Variants in GRAMD1B observed in about 807,000 individuals in gnomAD.
GRAMD1B encodes the protein GRAM domain containing 1B, also known as protein Aster-B.
Under a neutral mutation model 99.7 loss-of-function variants are expected in GRAMD1B, and 37 were observed. That is an observed-to-expected ratio of 0.37 (90% CI 0.29 to 0.49). The LOEUF is 0.49. GRAMD1B is among the 20% of genes least tolerant of loss of function. The pLI is 0.98. For missense variants in GRAMD1B, 888 were observed against 1,009.2 expected (o/e 0.88, Z 1.63); for synonymous variants, 427 against 387.6 (o/e 1.10, Z -1.19).
At chr11:123,438,887 C>G (rs564368425) in intron 1 of GRAMD1B, among the ~76,000 whole-genome samples, 197 of 152,292 alleles carry the variant, frequency 1.3e-3, no homozygotes, top group Non-Finnish European at 2.2e-3. Flanking sequence ...TTCTTCCTGA[C>G]CCCAGTGGGC....
intron 1 of GRAMD1B, among the ~76,000 whole-genome samples, chr11:123,409,489 ACTT>A (rs1200865202): frequency 6.6e-6 from 1 of 152,208 alleles, no homozygotes. Flanking sequence ...TAGCTGGGAC[ACTT>A]CTGGTGTCTG....
chr11:123,397,835 A>C (rs1055696072), intron 1 of GRAMD1B, among the ~76,000 whole-genome samples: 1 of 152,178 alleles, frequency 6.6e-6, no homozygotes, highest in African/African-American at 2.4e-5. Context: ...AGTACATAGA[A>C]TATGTACTTT....
intron 1 of GRAMD1B, among the ~76,000 whole-genome samples, chr11:123,413,332 G>A (rs1284728830): frequency 6.6e-6 from 1 of 152,144 alleles, no homozygotes; most frequent in African/African-American, 2.4e-5. Flanking sequence ...TTCTGTCCAT[G>A]GGAGAGATTA....
intron 8 of GRAMD1B, 144 bp from the exon 9 acceptor site, chr11:123,603,282 T>C (rs1231600755): frequency 2.7e-5 from 17 of 623,212 alleles, no homozygotes; most frequent in Non-Finnish European, 4.4e-5. Context: ...CCAAGGCAGA[T>C]GGGGGTGGTG....
intron 2 of GRAMD1B, among the ~76,000 whole-genome samples, chr11:123,572,581 G>C (rs1948226708): frequency 6.6e-6 from 1 of 152,310 alleles, no homozygotes; most frequent in East Asian, 1.9e-4. Context: ...TTGTAGAGAA[G>C]GATCAGAGTG....
chr11:123,541,076 G>A (rs2135703482), intron 2 of GRAMD1B, among the ~76,000 whole-genome samples: 1 of 152,084 alleles, frequency 6.6e-6, no homozygotes, highest in African/African-American at 2.4e-5. Context: ...CGGGTTCAAG[G>A]AGTTCTCCTG....
chr11:123,468,977 C>G (rs946505278), intron 1 of GRAMD1B, among the ~76,000 whole-genome samples: 2 of 151,898 alleles, frequency 1.3e-5, no homozygotes, highest in East Asian at 1.9e-4. Context: ...AACATAGATG[C>G]TATTGTCACC....
At chr11:123,369,678 C>G (rs149167346) in intron 1 of GRAMD1B, among the ~76,000 whole-genome samples, 4,130 of 152,206 alleles carry the variant, frequency 0.027, 67 homozygotes, top group Non-Finnish European at 0.041. Context: ...TCGTGACCAG[C>G]CTGGGCAACA....
intron 3 of GRAMD1B, among the ~76,000 whole-genome samples, chr11:123,583,930 G>C (rs1949755063): frequency 6.6e-6 from 1 of 152,132 alleles, no homozygotes; most frequent in African/African-American, 2.4e-5. Context: ...AGAGCAGAAG[G>C]CTGGGTTGGC....
At chr11:123,441,530 C>T (rs1269110815) in intron 1 of GRAMD1B, among the ~76,000 whole-genome samples, 1 of 151,970 alleles carries the variant, frequency 6.6e-6, no homozygotes, top group Non-Finnish European at 1.5e-5. Flanking sequence ...ACCTGTAATC[C>T]CAGAATTTTG....
At chr11:123,608,476 A>G in intron 11 of GRAMD1B, 183 bp from the exon 12 acceptor site, 1 of 1,521,432 alleles carries the variant, frequency 6.6e-7, no homozygotes, top group East Asian at 2.5e-5. Context: ...AGCAAAAGAA[A>G]GAGACCGAAA....
chr11:123,468,151 C>T (rs558452323), intron 1 of GRAMD1B, among the ~76,000 whole-genome samples: 10 of 152,216 alleles, frequency 6.6e-5, no homozygotes, highest in South Asian at 2.1e-4. Context: ...TGTGAGTCAC[C>T]GCACCCAGCC....
intron 1 of GRAMD1B, among the ~76,000 whole-genome samples, chr11:123,363,322 A>G (rs1946207452): frequency 6.6e-6 from 1 of 152,208 alleles, no homozygotes; most frequent in South Asian, 2.1e-4. Context: ...CACCCACACA[A>G]CCAGTGCTGG....
chr11:123,610,403 C>T lies in GRAMD1B; in HGVS notation c.1919+65C>T. The T allele has an allele frequency of 6.6e-7, 1 of 1,513,922 alleles. No individual in the cohort carries two copies. The highest frequency in any genetic ancestry group is 2.3e-5 in the East Asian group (1 of 44,158). The allele number at this position is 1,513,922 out of a possible 1,614,324, so 93.8% of individuals were successfully genotyped here. The stretch of plus-strand genomic sequence containing the variant: ...CCTTACCTTAGAGAACATTCATTTG[C>T]TCCTGACGGGGAAGGAGGAGGTGGG... On this transcript the variant is annotated intron_variant, in intron 14 of 19. Transcript: ENST00000635736. The surrounding 1 kb of genome is among the most constrained non-coding windows in gnomAD (Gnocchi z 4.1).
chr11:123,495,263 A>C (rs1939109113), intron 2 of GRAMD1B, among the ~76,000 whole-genome samples: 1 of 152,104 alleles, frequency 6.6e-6, no homozygotes, highest in Admixed American at 6.5e-5. Context: ...TACAAGCCCT[A>C]ATATGCTTTT....
In GRAMD1B at chr11:123,595,944, G is replaced by T. The variant is rs1423015922; in HGVS notation, c.876G>T (p.Leu292=). ...TTCTCTGTCCTCTTGGATGCCAGCT[G>T]ACAGTCCGTTTGAAAGACATCTGTT... ...YSNIFRWETL[L]TVRLKDICSM... The change falls in exon 7 of 20, where the codon CTG becomes CTT. Residue 292 remains leucine (L), a splice_region_variant and synonymous_variant. Transcript: ENST00000635736. 1.3e-6 allele frequency: 2 copies of T among 1,595,516 alleles called. No individual in the cohort carries two copies. Among genetic ancestry groups the T allele is most frequent in the Non-Finnish European group, 1.7e-6 (2 of 1,168,068 alleles).
chr11:123,461,943 T>C (rs1373557578), intron 1 of GRAMD1B, among the ~76,000 whole-genome samples: 1 of 150,050 alleles, frequency 6.7e-6, no homozygotes, highest in Admixed American at 6.6e-5. Flanking sequence ...TTTTTTTTTT[T>C]CTGGTATGGT....
chr11:123,386,048 T>C (rs953678606), intron 1 of GRAMD1B, among the ~76,000 whole-genome samples: 1 of 152,250 alleles, frequency 6.6e-6, no homozygotes, highest in African/African-American at 2.4e-5. Flanking sequence ...CTTGGAAGTT[T>C]GACAGATTTG....
chr11:123,452,200 T>G (rs898225346), intron 1 of GRAMD1B, among the ~76,000 whole-genome samples: 2 of 152,130 alleles, frequency 1.3e-5, no homozygotes, highest in Non-Finnish European at 2.9e-5. Flanking sequence ...AATGTAAAAA[T>G]TTAAAATGTG....
Sources: allele counts gnomAD v4.1 joint callset (sites outside exome capture counted in the v4.1 genomes callset), GRCh38; gene constraint gnomAD v4.1.1; non-coding constraint Gnocchi (gnomAD v3.1); transcripts MANE v1.5; gene names NCBI Gene and HGNC (gene_info 2026-07-23, HGNC 2026-07-21).